BMS1: variants seen among roughly 807,000 people sequenced by gnomAD.
BMS1 encodes BMS1 ribosome biogenesis factor, also known as ribosome biogenesis protein BMS1 homolog.
In BMS1, 53 loss-of-function variants were observed where a neutral mutation model predicts 138.7. The observed-to-expected ratio is 0.38, with a 90% CI of 0.31 to 0.48. The LOEUF (loss-of-function observed/expected upper bound fraction) is 0.48, where lower values mean the gene tolerates loss of function less well. BMS1 is among the 20% of genes least tolerant of loss of function. The pLI, the probability that BMS1 is intolerant of heterozygous loss-of-function variation, is 0.97. For synonymous variants in BMS1, 504 were observed against 539.9 expected (o/e 0.93, Z 0.92); for missense variants, 1,360 against 1,565.5 (o/e 0.87, Z 2.22).
chr10:42,809,293 G>A (rs1842099561), intron 13 of BMS1, among the ~76,000 whole-genome samples: 1 of 152,180 alleles, frequency 6.6e-6, no homozygotes, highest in Non-Finnish European at 1.5e-5. Context: ...CTTATTAGTT[G>A]TAGGAGGGTT....
intron 15 of BMS1, 56 bp downstream of exon 15, chr10:42,817,550 A>T (rs1466909471): frequency 6.6e-7 from 1 of 1,526,516 alleles, no homozygotes; most frequent in African/African-American, 1.4e-5. Context: ...TAGCGCAGGA[A>T]TCCCTGACTT....
intron 5 of BMS1, among the ~76,000 whole-genome samples, chr10:42,791,423 C>G (rs1389528027): frequency 6.6e-6 from 1 of 152,128 alleles, no homozygotes; most frequent in African/African-American, 2.4e-5. Flanking sequence ...AGATGGATGC[C>G]CCGGCTCGGC....
intron 12 of BMS1, among the ~76,000 whole-genome samples, chr10:42,799,021 C>T (rs17344997): frequency 0.064 from 9,767 of 152,272 alleles, 458 homozygotes; most frequent in Non-Finnish European, 0.092. Flanking sequence ...ATATGTTCTT[C>T]CTGCAGCTTA....
At chr10:42,826,237 TTGTGTGTGTGTGTG>T (rs35886214) in intron 21 of BMS1, among the ~76,000 whole-genome samples, 14 of 145,764 alleles carry the variant, frequency 9.6e-5, no homozygotes, top group African/African-American at 1.5e-4. Flanking sequence ...TTTTTGTTTG[TTGTGTGTGTGTGTG>T]TGTGTGTGTG....
At chr10:42,795,290 C>T (rs1333972694) in intron 9 of BMS1, among the ~76,000 whole-genome samples, 1 of 151,810 alleles carries the variant, frequency 6.6e-6, no homozygotes, top group Non-Finnish European at 1.5e-5. Flanking sequence ...TCTATACAGT[C>T]TTTATGTAGT....
chr10:42,819,306 C>T (rs1842435992), intron 15 of BMS1, among the ~76,000 whole-genome samples: 1 of 152,178 alleles, frequency 6.6e-6, no homozygotes, highest in South Asian at 2.1e-4. Context: ...CTGTGATCAT[C>T]GAGATGCACG....
At chr10:42,810,712 T>G (rs1473139498) in intron 13 of BMS1, among the ~76,000 whole-genome samples, 5 of 152,214 alleles carry the variant, frequency 3.3e-5, no homozygotes, top group African/African-American at 1.2e-4. Flanking sequence ...TATTTCATCT[T>G]GCCTGAATTT....
rs765549263 is a variant in BMS1 at position 42,802,134 on chromosome 10, A to C, written c.2248-3A>C. On this transcript the variant is annotated splice_polypyrimidine_tract_variant and splice_region_variant and intron_variant, in intron 12 of 22. Transcript: ENST00000374518. ...CACCTAAGTGCTGACTTTTCTGCGT[A>C]AGGTTATGAACAGTATCAGAGATTG... 6.3e-7 allele frequency: 1 copy of C among 1,595,058 alleles called. No homozygotes were observed. The highest frequency in any genetic ancestry group is 1.3e-5 in the African/African-American group (1 of 74,310).
rs541808210 is a variant in BMS1 at position 42,818,569 on chromosome 10, T to C, written c.2580+1075T>C. On this transcript the variant is annotated intron_variant, in intron 15 of 22. Coordinates refer to ENST00000374518, the MANE Select transcript of BMS1 (RefSeq NM_014753.4). Reference sequence around the variant, plus strand: ...TGGGGTGTGTGAGAGGAAATGAGGATGTCGACTGGAAGTTCCTGGAAGGAC... The same window carrying C: ...TGGGGTGTGTGAGAGGAAATGAGGACGTCGACTGGAAGTTCCTGGAAGGAC... Among the ~76,000 whole-genome samples, 3 of 152,278 alleles carry C rather than the reference T, an allele frequency of 2.0e-5. No homozygotes were observed. In the South Asian group the frequency reaches 6.2e-4, roughly 32 times the overall value.
rs1358023991 is a variant in BMS1, at chr10:42,834,055, T to C, written c.*2959T>C. On this transcript the variant is annotated 3_prime_UTR_variant, in exon 23 of 23. Transcript: ENST00000374518. ...AACCTTTCTCAATTGTATTAAACTT[T>C]GTAAATTGTAAAAATTATTCTGTTA... 6.6e-6 allele frequency: 1 copy of C among 152,262 alleles called. No individual in the cohort carries two copies. Among genetic ancestry groups the C allele is most frequent in the Non-Finnish European group, 1.5e-5 (1 of 68,050 alleles). 9.4% of individuals were successfully genotyped at this position (152,262 alleles called of 1,614,324 possible).
chr10:42,787,347 A>G, intron 4 of BMS1, 100 bp downstream of exon 4: 1 of 960,770 alleles, frequency 1.0e-6, no homozygotes, highest in Non-Finnish European at 1.6e-6. Context: ...ATAATTATTA[A>G]AAGAATCATG....
intron 12 of BMS1, 35 bp from the exon 13 acceptor site, chr10:42,802,102 A>T: frequency 6.4e-7 from 1 of 1,562,102 alleles, no homozygotes; most frequent in South Asian, 1.2e-5. Flanking sequence ...GAGTGATTGG[A>T]ACACCTCACC....
rs1841953074 is a variant in BMS1, at chr10:42,804,270, T to TC, written c.2329+2053dup. 1.3e-5 allele frequency among the ~76,000 whole-genome samples: 2 copies of TC among 152,190 alleles called. 1 individual carries two copies. Among genetic ancestry groups the TC allele is most frequent in the African/African-American group, 4.8e-5 (2 of 41,454 alleles). Reference sequence around the variant, plus strand: ...AGTAGTTCAGAATGGACTAAATGGGTCATATGATAGGTACACATTTAATTT... The same window carrying TC: ...AGTAGTTCAGAATGGACTAAATGGGTCCATATGATAGGTACACATTTAATTT... On this transcript the variant is annotated intron_variant, in intron 13 of 22. Coordinates refer to ENST00000374518, the MANE Select transcript of BMS1 (RefSeq NM_014753.4).
At chr10:42,806,287 A>T (rs1385770782) in intron 13 of BMS1, among the ~76,000 whole-genome samples, 2 of 152,182 alleles carry the variant, frequency 1.3e-5, no homozygotes, top group Non-Finnish European at 2.9e-5. Flanking sequence ...GCTGAGATAG[A>T]TCCCAGTGGT....
chr10:42,790,452 A>G lies in BMS1; in HGVS notation c.577A>G (p.Lys193Glu). The change falls in exon 5 of 23, where the codon AAG becomes GAG. Residue 193 changes from lysine to glutamate, a missense_variant. Around this residue, in one of 3 missense-constraint regions of BMS1, gnomAD observed 238 missense variants for 311.1 expected, o/e 0.77. Transcript: ENST00000374518. ...CCACCTCGACTCCTTCAAGCATAAT[A>G]AGCAACTGAAGAAGACAAAGAAGCG... ...LTHLDSFKHN[K>E]QLKKTKKRLK... 3.1e-6 allele frequency: 5 copies of G among 1,614,026 alleles called. No individual in the cohort carries two copies. Among genetic ancestry groups the G allele is most frequent in the Non-Finnish European group, 3.4e-6 (4 of 1,179,868 alleles).
intron 21 of BMS1, among the ~76,000 whole-genome samples, chr10:42,825,303 G>A (rs1842606278): frequency 6.6e-6 from 1 of 152,164 alleles, no homozygotes; most frequent in Non-Finnish European, 1.5e-5. Context: ...CACTGCGCCT[G>A]GCCAGGATTG....
At chr10:42,822,631 G>A (rs1447801905) in intron 19 of BMS1, among the ~76,000 whole-genome samples, 1 of 152,222 alleles carries the variant, frequency 6.6e-6, no homozygotes, top group Non-Finnish European at 1.5e-5. Flanking sequence ...GGGGAGGTTG[G>A]TTTGAGCAGC....
chr10:42,821,173 A>G (rs986331283), intron 18 of BMS1, among the ~76,000 whole-genome samples, 181 bp downstream of exon 18: 23 of 152,024 alleles, frequency 1.5e-4, no homozygotes, highest in Non-Finnish European at 4.4e-5. Flanking sequence ...AGAGGAGGGG[A>G]GGTGGAAGAA....
intron 15 of BMS1, among the ~76,000 whole-genome samples, chr10:42,818,721 A>C (rs1042538621): frequency 6.6e-6 from 1 of 152,174 alleles, no homozygotes; most frequent in African/African-American, 2.4e-5. Flanking sequence ...CCAGGGACTT[A>C]GATGTAGATG....
Sources: allele counts gnomAD v4.1 joint callset (sites outside exome capture counted in the v4.1 genomes callset), GRCh38; gene constraint gnomAD v4.1.1; regional missense constraint gnomAD v4.1.1; transcripts MANE v1.5; gene names NCBI Gene and HGNC (gene_info 2026-07-23, HGNC 2026-07-21).